TRPM3: variants seen among roughly 807,000 people sequenced by gnomAD.
TRPM3 encodes the protein long transient receptor potential channel 3.
In TRPM3, 77 loss-of-function variants were observed where a neutral mutation model predicts 181.2. The observed-to-expected ratio is 0.42, with a 90% confidence interval of 0.35 to 0.51. The LOEUF is 0.51. Ranked by LOEUF, TRPM3 falls within the 20% of genes least tolerant of loss-of-function variation. The pLI, the probability that TRPM3 is intolerant of heterozygous loss-of-function variation, is 0.01. For synonymous variants in TRPM3, 745 were observed against 796.4 expected (o/e 0.94, Z 1.09); for missense variants, 1,759 against 2,196.7 (o/e 0.80, Z 3.98).
chr9:71,333,221 A>G (rs1276636287), intron 1 of TRPM3, among the ~76,000 whole-genome samples: 1 of 152,090 alleles, frequency 6.6e-6, no homozygotes, highest in Admixed American at 6.5e-5. Context: ...TCTGAACCAG[A>G]GAGTTCATGA....
intron 1 of TRPM3, among the ~76,000 whole-genome samples, chr9:70,980,067 GCA>G (rs10527749): frequency 9.4e-5 from 13 of 137,972 alleles, no homozygotes; most frequent in Admixed American, 2.2e-4. Context: ...GCATGTGCGT[GCA>G]CACACACACA....
Position 71,095,872 on chromosome 9 carries a change from C to T in TRPM3, c.177+25306G>A, listed in dbSNP as rs143673546. Among the ~76,000 whole-genome samples the T allele has an allele frequency of 2.3e-3, 355 of 152,012 alleles. 2 individuals carry two copies. The highest frequency in any genetic ancestry group is 8.2e-3 in the African/African-American group (341 of 41,480). On this transcript the variant is annotated intron_variant, in intron 1 of 25. Transcript: ENST00000677713. The stretch of plus-strand genomic sequence containing the variant: ...TTCTAATAGCTGTAAAGATTTATCC[C>T]TTCTTCACCCAGATAGCTACCAGAG...
At chr9:71,071,031 C>A (rs964839460) in intron 1 of TRPM3, among the ~76,000 whole-genome samples, 1 of 152,162 alleles carries the variant, frequency 6.6e-6, no homozygotes, top group Non-Finnish European at 1.5e-5. Flanking sequence ...GCCTGGTGAC[C>A]TTCAATCTAG....
intron 1 of TRPM3, among the ~76,000 whole-genome samples, chr9:70,903,794 A>G (rs2096420837): frequency 6.6e-6 from 1 of 152,200 alleles, no homozygotes; most frequent in Non-Finnish European, 1.5e-5. Context: ...TTCCTCATAT[A>G]TAAGAGATGT....
chr9:71,300,713 A>C (rs1433255748), intron 1 of TRPM3, among the ~76,000 whole-genome samples: 1 of 152,120 alleles, frequency 6.6e-6, no homozygotes, highest in Admixed American at 6.5e-5. Context: ...TGCTAATAAA[A>C]GCCTTGCCAG....
chr9:70,633,112 G>T (rs2066198035), intron 12 of TRPM3, among the ~76,000 whole-genome samples: 1 of 152,176 alleles, frequency 6.6e-6, no homozygotes, highest in Non-Finnish European at 1.5e-5. Flanking sequence ...GGTGATGACT[G>T]GGATTGAGGG....
At chr9:70,619,375 T>A (rs1398114004) in intron 16 of TRPM3, among the ~76,000 whole-genome samples, 6 of 147,572 alleles carry the variant, frequency 4.1e-5, no homozygotes, top group Admixed American at 4.1e-4. Context: ...GAGCAAGCAA[T>A]CAATAGAGTA....
chr9:71,156,568 CT>C (rs1162021516), intron 1 of TRPM3, among the ~76,000 whole-genome samples: 3 of 151,952 alleles, frequency 2.0e-5, no homozygotes, highest in African/African-American at 7.2e-5. Flanking sequence ...ACTTTTAATG[CT>C]TTAAATGAGA....
Position 70,553,234 on chromosome 9 carries a change from G to C in TRPM3, c.3300C>G (p.Ile1100Met). Residue 1100 changes from isoleucine to methionine, a missense_variant, in exon 23 of 26, where the codon ATC (isoleucine) becomes ATG (methionine). Physicochemically the swap from Ile to Met is conservative, Grantham distance 10 (BLOSUM62 1). Around this residue, in one of 8 missense-constraint regions of TRPM3, gnomAD observed 94 missense variants for 221.3 expected, o/e 0.42. Coordinates refer to ENST00000677713, the MANE Select transcript of TRPM3 (RefSeq NM_001366145.2). ...GGTAGCAGGCCATGATGGCCGGCAC[G>C]ATCCAAGCTCCTGTCTTGCAGGGAG... ...QLPPCKTGAWIVPAIMACYLL... is the reference protein window; with the variant it reads ...QLPPCKTGAWMVPAIMACYLL... 1 of 1,614,098 alleles carries C rather than the reference G, an allele frequency of 6.2e-7. No individual in the cohort carries two copies. Among genetic ancestry groups the C allele is most frequent in the Non-Finnish European group, 8.5e-7 (1 of 1,180,020 alleles).
At chr9:70,785,666 G>T (rs575181467) in intron 6 of TRPM3, among the ~76,000 whole-genome samples, 2 of 152,208 alleles carry the variant, frequency 1.3e-5, no homozygotes, top group South Asian at 4.1e-4. Flanking sequence ...TTAGGATTTG[G>T]TTTCTTGCTC....
chr9:71,067,263 T>C lies in TRPM3; in HGVS notation c.177+53915A>G, dbSNP rs562633823. 3.3e-5 allele frequency among the ~76,000 whole-genome samples: 5 copies of C among 152,298 alleles called. No individual in the cohort carries two copies. In the South Asian group the frequency reaches 8.3e-4, roughly 25 times the overall value. On this transcript the variant is annotated intron_variant, in intron 1 of 25. Coordinates refer to ENST00000677713, the MANE Select transcript of TRPM3 (RefSeq NM_001366145.2). The stretch of plus-strand genomic sequence containing the variant: ...CTAGCAAGGCAGCAGATATACTTTG[T>C]AGAAAATTTGGAAAGTGGAAAGTAC...
At chr9:71,152,552 T>A (rs755904200) in intron 1 of TRPM3, among the ~76,000 whole-genome samples, 9 of 152,130 alleles carry the variant, frequency 5.9e-5, no homozygotes, top group Non-Finnish European at 1.0e-4. Flanking sequence ...TTTATTTTAA[T>A]TTATGAATTT....
chr9:71,407,600 G>A (rs1426383170), intron 1 of TRPM3, among the ~76,000 whole-genome samples: 1 of 152,208 alleles, frequency 6.6e-6, no homozygotes, highest in Non-Finnish European at 1.5e-5. Flanking sequence ...GGAGCCCACT[G>A]CAGCTCAATG....
chr9:70,788,081 A>T (rs1215212436), intron 6 of TRPM3, among the ~76,000 whole-genome samples: 3 of 147,220 alleles, frequency 2.0e-5, no homozygotes, highest in Non-Finnish European at 4.5e-5. Context: ...TTACATATGT[A>T]TACATGTGCC....
chr9:70,695,550 T>G (rs547532786), intron 8 of TRPM3, among the ~76,000 whole-genome samples: 2 of 152,192 alleles, frequency 1.3e-5, no homozygotes, highest in Admixed American at 6.5e-5. Context: ...TGAGGCACAG[T>G]TATCTTCTGC....
intron 1 of TRPM3, among the ~76,000 whole-genome samples, chr9:71,054,494 T>C (rs1026244480): frequency 6.6e-5 from 10 of 152,150 alleles, no homozygotes; most frequent in African/African-American, 1.9e-4. Flanking sequence ...CTTTTGTTTA[T>C]GTAAGTCAGT....
At chr9:71,358,909 T>C (rs1458655321) in intron 1 of TRPM3, among the ~76,000 whole-genome samples, 1 of 152,208 alleles carries the variant, frequency 6.6e-6, no homozygotes, top group Non-Finnish European at 1.5e-5. Flanking sequence ...CCAAACTTTC[T>C]GTGAGCTGCA....
At chr9:71,374,807 A>G (rs951765286) in intron 1 of TRPM3, among the ~76,000 whole-genome samples, 1 of 152,174 alleles carries the variant, frequency 6.6e-6, no homozygotes, top group Non-Finnish European at 1.5e-5. Context: ...TCAACAACAG[A>G]CAATCAGACC....
chr9:71,439,268 C>A (rs1223063477), intron 1 of TRPM3, among the ~76,000 whole-genome samples: 1 of 152,086 alleles, frequency 6.6e-6, no homozygotes, highest in Non-Finnish European at 1.5e-5. Context: ...AATTAAAGAC[C>A]ATAAACAACA....
Sources: gnomAD v4.1 joint callset for allele counts (sites outside exome capture counted in the v4.1 genomes callset) on GRCh38, gnomAD v4.1.1 for gene constraint, gnomAD v4.1.1 regional missense constraint, MANE v1.5 for transcripts, NCBI Gene and HGNC (gene_info 2026-07-23, HGNC 2026-07-21) for gene names.